CACNA2D1: variants seen among roughly 807,000 people sequenced by gnomAD.
CACNA2D1 encodes the protein voltage-dependent calcium channel subunit alpha-2/delta-1.
In CACNA2D1, 53 loss-of-function variants were observed where a neutral mutation model predicts 171.5. That is an observed-to-expected ratio of 0.31 (90% CI 0.25 to 0.39). CACNA2D1 has a LOEUF of 0.39. Ranked by LOEUF, CACNA2D1 falls within the 10% of genes least tolerant of loss-of-function variation. The pLI is 1.00. For synonymous variants in CACNA2D1, 442 were observed against 443.1 expected (o/e 1.00, Z 0.03); for missense variants, 903 against 1,299.8 (o/e 0.69, Z 4.69).
At chr7:82,183,452 T>C (rs1052023169) in intron 3 of CACNA2D1, among the ~76,000 whole-genome samples, 10 of 152,288 alleles carry the variant, frequency 6.6e-5, no homozygotes, top group East Asian at 1.9e-4. Flanking sequence ...CTCAATTTGG[T>C]TTTTATTTTT....
intron 1 of CACNA2D1, among the ~76,000 whole-genome samples, chr7:82,427,916 C>A (rs1488746353): frequency 6.6e-6 from 1 of 152,062 alleles, no homozygotes; most frequent in Non-Finnish European, 1.5e-5. Context: ...AGGCCAGATG[C>A]AATGGCTCAC....
At chr7:81,981,980 GTA>G (rs1028348664) in intron 24 of CACNA2D1, among the ~76,000 whole-genome samples, 102 of 152,114 alleles carry the variant, frequency 6.7e-4, no homozygotes, top group African/African-American at 2.4e-3. Flanking sequence ...ACATATATGT[GTA>G]TATATGTGTA....
chr7:82,111,905 C>T (rs1388814956), intron 6 of CACNA2D1, among the ~76,000 whole-genome samples: 1 of 151,944 alleles, frequency 6.6e-6, no homozygotes, highest in Non-Finnish European at 1.5e-5. Context: ...GTTTTTTAAA[C>T]TAATCCATCA....
chr7:82,120,001 G>T (rs1789524364), intron 5 of CACNA2D1, among the ~76,000 whole-genome samples: 1 of 152,288 alleles, frequency 6.6e-6, no homozygotes, highest in African/African-American at 2.4e-5. Context: ...GGACAACATA[G>T]TGAGGCCCTC....
intron 1 of CACNA2D1, among the ~76,000 whole-genome samples, chr7:82,352,640 CAAG>C (rs1819986402): frequency 6.6e-6 from 1 of 152,032 alleles, no homozygotes; most frequent in African/African-American, 2.4e-5. Flanking sequence ...AAAACAACAA[CAAG>C]AATATGATAG....
intron 6 of CACNA2D1, among the ~76,000 whole-genome samples, chr7:82,116,687 T>C (rs1789082976): frequency 6.6e-6 from 1 of 152,204 alleles, no homozygotes; most frequent in South Asian, 2.1e-4. Context: ...GCAAGAATAT[T>C]TTTGCATGTG....
intron 1 of CACNA2D1, among the ~76,000 whole-genome samples, chr7:82,366,330 T>C (rs945025809): frequency 2.6e-5 from 4 of 152,166 alleles, no homozygotes; most frequent in Admixed American, 6.6e-5. Flanking sequence ...ATCACCCAGG[T>C]AGTGAACATA....
intron 3 of CACNA2D1, among the ~76,000 whole-genome samples, chr7:82,321,277 T>G (rs1815817050): frequency 6.6e-6 from 1 of 152,018 alleles, no homozygotes; most frequent in African/African-American, 2.4e-5. Flanking sequence ...TGCGCGCTTG[T>G]AACCCCAGGT....
intron 4 of CACNA2D1, among the ~76,000 whole-genome samples, chr7:82,159,298 C>G (rs3801731): frequency 1.3e-5 from 2 of 151,732 alleles, no homozygotes; most frequent in Admixed American, 6.6e-5. Flanking sequence ...TCCTTTTTAC[C>G]CTAAGTCTTA....
chr7:82,158,978 G>C (rs1794661340), intron 4 of CACNA2D1, among the ~76,000 whole-genome samples: 1 of 151,782 alleles, frequency 6.6e-6, no homozygotes, highest in African/African-American at 2.4e-5. Context: ...TTAAATATCA[G>C]AGTATTTTCT....
At chr7:82,223,730 A>G (rs964304097) in intron 3 of CACNA2D1, among the ~76,000 whole-genome samples, 9 of 152,190 alleles carry the variant, frequency 5.9e-5, no homozygotes, top group Non-Finnish European at 1.0e-4. Context: ...AAACCGCTGC[A>G]ATAGCTTCTA....
At chr7:82,096,977 G>A (rs998348067) in intron 6 of CACNA2D1, among the ~76,000 whole-genome samples, 5 of 152,114 alleles carry the variant, frequency 3.3e-5, no homozygotes, top group African/African-American at 1.2e-4. Flanking sequence ...GACCCTATGA[G>A]TAACACCTGC....
chr7:82,092,102 A>G (rs746937027), intron 6 of CACNA2D1, among the ~76,000 whole-genome samples: 3 of 152,244 alleles, frequency 2.0e-5, no homozygotes, highest in Non-Finnish European at 2.9e-5. Context: ...TAGTCCAGTC[A>G]GTAATTTCCT....
At chr7:82,029,767 A>G (rs1179064627) in intron 12 of CACNA2D1, 1 of 151,790 alleles carries the variant, frequency 6.6e-6, no homozygotes, top group Non-Finnish European at 1.5e-5. Flanking sequence ...TTATATATGT[A>G]TTACTGTGTA....
At chr7:82,434,724 G>A (rs530099889) in intron 1 of CACNA2D1, among the ~76,000 whole-genome samples, 2 of 152,220 alleles carry the variant, frequency 1.3e-5, no homozygotes, top group South Asian at 2.1e-4. Flanking sequence ...ATTCCTGGAA[G>A]AAACAATCTG....
At chr7:82,217,838 G>T (rs957802241) in intron 3 of CACNA2D1, among the ~76,000 whole-genome samples, 1 of 150,514 alleles carries the variant, frequency 6.6e-6, no homozygotes, top group Non-Finnish European at 1.5e-5. Flanking sequence ...CATCATCAGT[G>T]ACCTACCTAC....
intron 3 of CACNA2D1, among the ~76,000 whole-genome samples, chr7:82,208,327 C>G (rs1353910736): frequency 6.6e-6 from 1 of 152,064 alleles, no homozygotes; most frequent in Non-Finnish European, 1.5e-5. Context: ...GCATTAACGA[C>G]TTGATATCAT....
rs931702782 is a variant in CACNA2D1, at chr7:81,948,658, A to G, written c.*1734T>C. The G allele has an allele frequency of 6.6e-6, 1 of 151,900 alleles. No homozygotes were observed. Among genetic ancestry groups the G allele is most frequent in the Admixed American group, 6.6e-5 (1 of 15,244 alleles). The allele number at this position is 151,900 out of a possible 1,614,324, so 9.4% of individuals were successfully genotyped here. A position where few individuals can be genotyped will look rare whatever the true frequency, so the allele number is the denominator to read the frequency against. On this transcript the variant is annotated 3_prime_UTR_variant, in exon 39 of 39. Transcript: ENST00000356860. The stretch of plus-strand genomic sequence containing the variant: ...TGTTAATAACTTTGACTTAAAAAGG[A>G]TATGTAAGAAAATTTCCAGCATATA...
Position 82,246,351 on chromosome 7 carries a change from G to C in CACNA2D1, c.295-75742C>G, listed in dbSNP as rs532499417. Among the ~76,000 whole-genome samples the C allele has an allele frequency of 2.6e-5, 4 of 152,116 alleles. No homozygotes were observed. The East Asian group carries it at 7.7e-4, about 29-fold the overall frequency. ...TCTTGCTCATATGATAGCAGAAAGT[G>C]AATGTAGTTCATCTCAATAAATATC... On this transcript the variant is annotated intron_variant, in intron 3 of 38. Transcript: ENST00000356860.
Sources: gnomAD v4.1 joint callset for allele counts (sites outside exome capture counted in the v4.1 genomes callset) on GRCh38, gnomAD v4.1.1 for gene constraint, MANE v1.5 for transcripts, NCBI Gene and HGNC (gene_info 2026-07-23, HGNC 2026-07-21) for gene names.